SRGAP2C: variants seen among roughly 807,000 people sequenced by gnomAD.
SRGAP2C encodes the protein SLIT-ROBO Rho GTPase activating protein 2C.
A neutral mutation model predicts 25.1 loss-of-function variants in SRGAP2C; 15 were observed. That is an observed-to-expected ratio of 0.60 (90% CI 0.40 to 0.92). The LOEUF is 0.92. SRGAP2C is among the 40% of genes least tolerant of loss of function. SRGAP2C has a pLI of 0.00. For missense variants in SRGAP2C, 144 were observed against 264.4 expected, an observed-to-expected ratio of 0.54 and a Z score of 3.16; for synonymous variants, 44 against 96.6, an observed-to-expected ratio of 0.46 and a Z score of 3.19.
chr1:121,374,105 T>G lies in SRGAP2C; in HGVS notation c.621T>G (p.Pro207=). 3 of 484,106 alleles carry G rather than the reference T, an allele frequency of 6.2e-6. 1 individual carries two copies. The highest frequency in any genetic ancestry group is 1.1e-5 in the Non-Finnish European group (3 of 271,710). The allele number at this position is 484,106 out of a possible 1,614,324, so 30.0% of individuals were successfully genotyped here. Residue 207 remains proline (P), a synonymous_variant, in exon 6 of 10, where the codon CCT becomes CCG. Coordinates refer to ENST00000367123, the MANE Select transcript of SRGAP2C (RefSeq NM_001329984.2). ...KQEDRQTPCS[P]DSTANVRIEE... is the part of the protein sequence containing the mutation. ...AGGACCGGCAGACCCCATGCTCCCC[T>G]GACTCCACGGCCAACGTTCGCATTG...
intron 4 of SRGAP2C, among the ~76,000 whole-genome samples, chr1:121,359,817 G>A (rs1659146978): frequency 6.6e-6 from 1 of 152,200 alleles, no homozygotes; most frequent in Non-Finnish European, 1.5e-5. Flanking sequence ...TAAAAGAATA[G>A]GAAATATCAT....
chr1:121,258,389 G>C (rs1221355625), intron 2 of SRGAP2C, among the ~76,000 whole-genome samples: 2 of 149,416 alleles, frequency 1.3e-5, no homozygotes, highest in African/African-American at 5.0e-5. Context: ...TTGCTGCCTA[G>C]TCCTGTTGAA....
intron 2 of SRGAP2C, among the ~76,000 whole-genome samples, chr1:121,206,185 C>T (rs1655102831): frequency 1.3e-5 from 2 of 151,916 alleles, no homozygotes; most frequent in South Asian, 2.1e-4. Flanking sequence ...GTTTTATCCA[C>T]CCTCACCCCC....
chr1:121,308,868 G>A (rs1449516252), intron 3 of SRGAP2C, among the ~76,000 whole-genome samples: 3 of 141,506 alleles, frequency 2.1e-5, no homozygotes, highest in Non-Finnish European at 4.6e-5. Context: ...GAACCCAGGA[G>A]GCGGAGGTTG....
intron 1 of SRGAP2C, 48 bp downstream of exon 1, chr1:121,185,172 G>A: frequency 2.2e-6 from 1 of 453,046 alleles, no homozygotes; most frequent in South Asian, 3.1e-5. Context: ...CCGCCGGGCT[G>A]GAGCCCTGAC....
intron 3 of SRGAP2C, among the ~76,000 whole-genome samples, chr1:121,306,822 C>T (rs1267034079): frequency 2.0e-5 from 3 of 152,230 alleles, no homozygotes; most frequent in Non-Finnish European, 2.9e-5. Flanking sequence ...GACTTTAAAA[C>T]ATTTTGATCA....
rs1366398675 is a variant in SRGAP2C, at chr1:121,185,107, C to T, written c.-560C>T. 1 of 479,640 alleles carries T rather than the reference C, an allele frequency of 2.1e-6. No homozygotes were observed. The highest frequency in any genetic ancestry group is 3.6e-6 in the Non-Finnish European group (1 of 274,470). 29.7% of individuals were successfully genotyped at this position (479,640 alleles called of 1,614,324 possible). ...GGAAGCGGAACCGGGGGCCTGGGAC[C>T]CGTCGCGTCAGAGCCAGGTAAAGGC... On this transcript the variant is annotated 5_prime_UTR_variant, in exon 1 of 10. Coordinates refer to ENST00000367123, the MANE Select transcript of SRGAP2C (RefSeq NM_001329984.2).
At chr1:121,371,151 T>C (rs1659477831) in intron 5 of SRGAP2C, among the ~76,000 whole-genome samples, 1 of 145,338 alleles carries the variant, frequency 6.9e-6, no homozygotes, top group African/African-American at 2.5e-5. Flanking sequence ...AGTATGTATA[T>C]GTATATCTTT....
chr1:121,275,084 G>T (rs1372726731), intron 2 of SRGAP2C, among the ~76,000 whole-genome samples: 2 of 145,292 alleles, frequency 1.4e-5, no homozygotes, highest in African/African-American at 5.1e-5. Flanking sequence ...AGATTTTACT[G>T]ATTTCTTCCT....
Position 121,324,479 on chromosome 1 carries a change from A to G in SRGAP2C, c.262A>G (p.Lys88Glu). 1.9e-6 allele frequency: 3 copies of G among 1,612,592 alleles called. No individual in the cohort carries two copies. The highest frequency in any genetic ancestry group is 2.5e-6 in the Non-Finnish European group (3 of 1,178,724). The change falls in exon 4 of 10, where the codon AAG (lysine) becomes GAG (glutamate). Residue 88 changes from lysine to glutamate, a missense_variant and splice_region_variant. By Grantham distance (56) the Lys-to-Glu change is moderately conservative. This residue lies in a region of SRGAP2C where 61 missense variants were observed against 61.7 expected (regional missense o/e 0.99). Coordinates refer to ENST00000367123, the MANE Select transcript of SRGAP2C (RefSeq NM_001329984.2). The part of the protein sequence containing the change: ...TRSTKDQQFK[K>E]DQNVLSPVNC... ...CTTTTCCTTGATGTTTCTTCACAGG[A>G]AGGATCAGAATGTTCTCTCTCCAGT... is the stretch of plus-strand genomic sequence containing the variant.
intron 3 of SRGAP2C, among the ~76,000 whole-genome samples, chr1:121,302,273 A>T (rs1447328323): frequency 1.3e-5 from 2 of 151,830 alleles, no homozygotes; most frequent in Non-Finnish European, 2.9e-5. Flanking sequence ...GAGAGATGGG[A>T]GAAATGATTT....
At position 121,315,092 on chromosome 1, in the gene SRGAP2C, C is replaced by T. The variant is rs1301065328; in HGVS notation, c.261-9386C>T. 2.7e-4 allele frequency: 190 copies of T among 704,992 alleles called. 16 individuals are homozygous for T. The highest frequency in any genetic ancestry group is 1.2e-3 in the Middle Eastern group (3 of 2,442). The allele number at this position is 704,992 out of a possible 1,614,324, so 43.7% of individuals were successfully genotyped here. ...AGGGTGAGGAACTGGCGGGGTGAGGCGAAGGTCTCTGGTGCAGGCGGCACG... is the reference window on the plus strand; with the variant it reads ...AGGGTGAGGAACTGGCGGGGTGAGGTGAAGGTCTCTGGTGCAGGCGGCACG... On this transcript the variant is annotated intron_variant, in intron 3 of 9. Coordinates refer to ENST00000367123, the MANE Select transcript of SRGAP2C (RefSeq NM_001329984.2).
At chr1:121,385,631 A>G (rs1159379631) in intron 8 of SRGAP2C, among the ~76,000 whole-genome samples, 2 of 151,924 alleles carry the variant, frequency 1.3e-5, no homozygotes, top group Non-Finnish European at 2.9e-5. Context: ...GCTGAGGAGG[A>G]AGGAGGCCAT....
At chr1:121,218,671 C>A (rs1256389635) in intron 2 of SRGAP2C, among the ~76,000 whole-genome samples, 1 of 150,478 alleles carries the variant, frequency 6.6e-6, no homozygotes, top group Admixed American at 6.6e-5. Context: ...CTCTTGAACC[C>A]GGGAGGCGAA....
At chr1:121,355,241 A>C (rs1432951466) in intron 4 of SRGAP2C, among the ~76,000 whole-genome samples, 3 of 150,452 alleles carry the variant, frequency 2.0e-5, no homozygotes, top group Non-Finnish European at 3.0e-5. Flanking sequence ...GTAAAAATAC[A>C]ACAAACTTGA....
chr1:121,348,411 A>G (rs1458686953), intron 4 of SRGAP2C, among the ~76,000 whole-genome samples: 1 of 149,270 alleles, frequency 6.7e-6, no homozygotes, highest in Non-Finnish European at 1.5e-5. Flanking sequence ...AACAATCCCA[A>G]TGTAGCAAAT....
intron 4 of SRGAP2C, among the ~76,000 whole-genome samples, chr1:121,340,406 A>G (rs1373964240): frequency 6.6e-6 from 1 of 151,724 alleles, no homozygotes. Flanking sequence ...ACTCAAATTC[A>G]GGACCACAAA....
intron 2 of SRGAP2C, among the ~76,000 whole-genome samples, chr1:121,231,766 A>T (rs1553327597): frequency 2.0e-5 from 2 of 99,386 alleles, no homozygotes. Context: ...GGCTTCTGAC[A>T]TACGATTCTG....
At chr1:121,268,292 C>T (rs113198004) in intron 2 of SRGAP2C, among the ~76,000 whole-genome samples, 9,564 of 150,918 alleles carry the variant, frequency 0.063, 538 homozygotes, top group Non-Finnish European at 0.096. Context: ...ATGCTTCCAG[C>T]GAAGGGAAGC....
Sources: gnomAD v4.1 joint callset for allele counts (sites outside exome capture counted in the v4.1 genomes callset) on GRCh38, gnomAD v4.1.1 for gene constraint, gnomAD v4.1.1 regional missense constraint, MANE v1.5 for transcripts, NCBI Gene and HGNC (gene_info 2026-07-23, HGNC 2026-07-21) for gene names.